SDCBP2: variants seen among roughly 807,000 people sequenced by gnomAD.
SDCBP2 encodes syndecan binding protein 2.
In SDCBP2, 28 loss-of-function variants were observed where a neutral mutation model predicts 30.7. That is an observed-to-expected ratio of 0.91 (90% CI 0.68 to 1.25). SDCBP2 has a LOEUF of 1.25. SDCBP2 is among the 50% of genes most tolerant of loss of function. The pLI, the probability that SDCBP2 is intolerant of heterozygous loss-of-function variation, is 0.00. For missense variants in SDCBP2, 399 were observed against 379.0 expected, an observed-to-expected ratio of 1.05 and a Z score of -0.44; for synonymous variants, 166 against 157.3, an observed-to-expected ratio of 1.06 and a Z score of -0.41.
chr20:1,317,280 T>C (rs2088791453), intron 4 of SDCBP2, among the ~76,000 whole-genome samples: 1 of 152,208 alleles, frequency 6.6e-6, no homozygotes. Context: ...ATGGAAAACA[T>C]AAGCATTGAG....
At chr20:1,315,157 G>A (rs1332643135) in intron 4 of SDCBP2, among the ~76,000 whole-genome samples, 1 of 152,214 alleles carries the variant, frequency 6.6e-6, no homozygotes, top group Non-Finnish European at 1.5e-5. Flanking sequence ...GGATAGACAA[G>A]TATCAGTGGA....
In SDCBP2 at chr20:1,313,743, G is replaced by A. The variant is rs942072022; in HGVS notation, c.226-245C>T. The A allele has an allele frequency of 5.9e-6, 6 of 1,024,126 alleles. No homozygotes were observed. The highest frequency in any genetic ancestry group is 7.7e-6 in the Non-Finnish European group (6 of 780,966). The allele number at this position is 1,024,126 out of a possible 1,614,324, so 63.4% of individuals were successfully genotyped here. A position where few individuals can be genotyped will look rare whatever the true frequency, so the allele number is the denominator to read the frequency against. ...GGGGAGGGAAGGGGCGAGGATACAG[G>A]AAGAGGCCCTTCATTTCCCAAGGGA... On this transcript the variant is annotated intron_variant, in intron 4 of 8. Transcript: ENST00000360779. The surrounding 1 kb of genome is among the most constrained non-coding windows in gnomAD (Gnocchi z 5.2).
chr20:1,319,966 CA>C (rs762723169), intron 2 of SDCBP2, among the ~76,000 whole-genome samples: 6 of 152,200 alleles, frequency 3.9e-5, no homozygotes, highest in Non-Finnish European at 5.9e-5. Flanking sequence ...CTCCATTTCT[CA>C]AAACCCACTG....
intron 1 of SDCBP2, chr20:1,322,274 A>G (rs1044614981): frequency 2.6e-5 from 4 of 152,108 alleles, no homozygotes; most frequent in Admixed American, 6.6e-5. Context: ...TGCTCCCCCT[A>G]GCCCCTGCTC....
intron 8 of SDCBP2, 124 bp downstream of exon 8, chr20:1,310,676 A>G: frequency 1.9e-6 from 2 of 1,040,166 alleles, no homozygotes; most frequent in Admixed American, 2.0e-5. Context: ...GAGCTGGCTG[A>G]GCCTGTGCCC....
intron 1 of SDCBP2, chr20:1,325,383 CGCGGTT>C (rs2088907059): frequency 6.6e-6 from 1 of 152,262 alleles, no homozygotes; most frequent in African/African-American, 2.4e-5. Flanking sequence ...CAGGCCCGGG[CGCGGTT>C]AGGGGTGACT....
intron 7 of SDCBP2, 128 bp downstream of exon 7, chr20:1,312,209 G>A (rs963110468): frequency 2.9e-5 from 27 of 934,946 alleles, no homozygotes; most frequent in South Asian, 2.6e-4. Context: ...TACGAACACC[G>A]TCTTACTGAA....
At chr20:1,310,912 C>G (rs78502123) in intron 7 of SDCBP2, 21 bp from the exon 8 acceptor site, 1 of 1,593,206 alleles carries the variant, frequency 6.3e-7, no homozygotes, top group Non-Finnish European at 8.6e-7. Context: ...GGCAAGTAAG[C>G]GATCACCCTA....
Position 1,313,245 on chromosome 20 carries a change from CT to C in SDCBP2, c.384+94del. The C allele has an allele frequency of 7.4e-7, 1 of 1,342,498 alleles. No individual in the cohort carries two copies. 83.2% of individuals were successfully genotyped at this position (1,342,498 alleles called of 1,614,324 possible). The stretch of plus-strand genomic sequence containing the variant: ...TGGGGTTAGGAGGCCCGCTCTGCAC[CT>C]TCCTTACTGTGGACGGGCCCTCTGA... On this transcript the variant is annotated intron_variant, in intron 5 of 8. Transcript: ENST00000360779. The surrounding 1 kb of genome is among the most constrained non-coding windows in gnomAD (Gnocchi z 5.2).
intron 1 of SDCBP2, chr20:1,325,575 G>A (rs2088911942): frequency 6.6e-6 from 1 of 152,186 alleles, no homozygotes; most frequent in Non-Finnish European, 1.5e-5. Flanking sequence ...CGGGCTCCGC[G>A]GCCCCTCTTT....
intron 4 of SDCBP2, among the ~76,000 whole-genome samples, chr20:1,315,396 G>A (rs1234074498): frequency 2.0e-5 from 3 of 152,184 alleles, no homozygotes; most frequent in Non-Finnish European, 2.9e-5. Context: ...AGGTGTGCTG[G>A]AACGTGCCTG....
At chr20:1,325,583 T>C (rs1055236965) in intron 1 of SDCBP2, 4 of 152,242 alleles carry the variant, frequency 2.6e-5, no homozygotes, top group African/African-American at 9.7e-5. Flanking sequence ...GCGGCCCCTC[T>C]TTACCGGATT....
At chr20:1,317,633 C>A (rs560789837) in intron 4 of SDCBP2, 39 of 161,356 alleles carry the variant, frequency 2.4e-4, no homozygotes, top group African/African-American at 8.4e-4. Flanking sequence ...TTCCTCCTGT[C>A]AGATCCTCGT....
chr20:1,322,987 A>G (rs1308365271), intron 1 of SDCBP2: 2 of 138,210 alleles, frequency 1.4e-5, no homozygotes, highest in Non-Finnish European at 3.1e-5. Flanking sequence ...GAGCTGGAAT[A>G]GTGCATGGCA....
Position 1,310,410 on chromosome 20 carries a change from C to A in SDCBP2, c.*31G>T. ...CCCTTTGCTGCAGGAGGGCGGGAAG[C>A]CCCCCCTGCCTGCCCTGCCCTGCAG... On this transcript the variant is annotated 3_prime_UTR_variant, in exon 9 of 9. Coordinates refer to ENST00000360779, the MANE Select transcript of SDCBP2 (RefSeq NM_080489.5). 2 of 1,604,114 alleles carry A rather than the reference C, an allele frequency of 1.2e-6. No individual in the cohort carries two copies. Among genetic ancestry groups the A allele is most frequent in the Non-Finnish European group, 1.7e-6 (2 of 1,173,626 alleles).
chr20:1,315,099 C>T (rs1365616187), intron 4 of SDCBP2, among the ~76,000 whole-genome samples: 1 of 152,220 alleles, frequency 6.6e-6, no homozygotes, highest in African/African-American at 2.4e-5. Flanking sequence ...AATTTCAAGA[C>T]TTATTATATA....
intron 4 of SDCBP2, among the ~76,000 whole-genome samples, chr20:1,316,168 G>T (rs532090092): frequency 1.6e-4 from 25 of 152,258 alleles, no homozygotes; most frequent in African/African-American, 6.0e-4. Flanking sequence ...ACATTTTACC[G>T]GAAAGAATAT....
chr20:1,326,826 C>T (rs143874372), intron 1 of SDCBP2, among the ~76,000 whole-genome samples: 35 of 152,352 alleles, frequency 2.3e-4, no homozygotes, highest in Non-Finnish European at 4.9e-4. Context: ...AGCACAGTGC[C>T]TGGCACACAA....
intron 1 of SDCBP2, chr20:1,323,915 A>G (rs560726923): frequency 5.2e-4 from 79 of 152,270 alleles, no homozygotes; most frequent in African/African-American, 1.5e-3. Flanking sequence ...GGCATACTGT[A>G]TCCCCTGCCT....
Sources: allele counts gnomAD v4.1 joint callset (sites outside exome capture counted in the v4.1 genomes callset), GRCh38; gene constraint gnomAD v4.1.1; non-coding constraint Gnocchi (gnomAD v3.1); transcripts MANE v1.5; gene names NCBI Gene and HGNC (gene_info 2026-07-23, HGNC 2026-07-21).